The following PPP1R9A variants were observed in gnomAD, a reference collection of about 807,000 sequenced individuals.
PPP1R9A encodes the protein protein phosphatase 1 regulatory subunit 9A.
In PPP1R9A, 59 loss-of-function variants were observed where a neutral mutation model predicts 141.9. That is an observed-to-expected ratio of 0.42 (90% CI 0.34 to 0.52). The LOEUF (loss-of-function observed/expected upper bound fraction) is 0.52, where lower values mean the gene tolerates loss of function less well. Among genes scored for constraint, PPP1R9A ranks in the 20% least tolerant of loss-of-function variants. The pLI is 0.10. For synonymous variants in PPP1R9A, 500 were observed against 569.7 expected, an observed-to-expected ratio of 0.88 and a Z score of 1.74; for missense variants, 1,444 against 1,611.9, an observed-to-expected ratio of 0.90 and a Z score of 1.78.
intron 16 of PPP1R9A, among the ~76,000 whole-genome samples, chr7:95,276,967 C>T (rs1255258730): frequency 1.3e-5 from 2 of 152,276 alleles, no homozygotes; most frequent in African/African-American, 4.8e-5. Context: ...GAGTTGGATT[C>T]TCAGGGTCCT....
rs1434512750 is a variant in PPP1R9A, at chr7:94,920,303, T to G, written c.1395+8795T>G. Among the ~76,000 whole-genome samples the G allele has an allele frequency of 3.9e-5, 6 of 152,158 alleles. No homozygotes were observed. In the East Asian group the frequency reaches 1.2e-3, roughly 29 times the overall value. ...ATATAGTTGCTGACATATTAATTGCTTCACTCACTTTTGCTCTGGAAATAG... is the reference window on the plus strand; with the variant it reads ...ATATAGTTGCTGACATATTAATTGCGTCACTCACTTTTGCTCTGGAAATAG... On this transcript the variant is annotated intron_variant, in intron 2 of 19. Coordinates refer to ENST00000433360, the MANE Select transcript of PPP1R9A (RefSeq NM_001166160.2).
chr7:95,131,239 G>A (rs938507720), intron 4 of PPP1R9A, among the ~76,000 whole-genome samples: 1 of 152,138 alleles, frequency 6.6e-6, no homozygotes, highest in African/African-American at 2.4e-5. Flanking sequence ...TGAGTCTCAC[G>A]AGATAATGAT....
intron 16 of PPP1R9A, among the ~76,000 whole-genome samples, chr7:95,274,396 C>T (rs1000038102): frequency 3.3e-5 from 5 of 152,180 alleles, no homozygotes; most frequent in Non-Finnish European, 7.3e-5. Flanking sequence ...ATTATGGCCA[C>T]ATGAACCATT....
intron 4 of PPP1R9A, among the ~76,000 whole-genome samples, chr7:95,145,109 C>G (rs1316338675): frequency 6.6e-6 from 1 of 152,054 alleles, no homozygotes; most frequent in Non-Finnish European, 1.5e-5. Context: ...GGAAAGATAC[C>G]TCGTGTTCAT....
intron 5 of PPP1R9A, among the ~76,000 whole-genome samples, chr7:95,162,362 T>G (rs1358576770): frequency 6.6e-6 from 1 of 152,164 alleles, no homozygotes; most frequent in Non-Finnish European, 1.5e-5. Flanking sequence ...GACAATCAGG[T>G]TGAATAAAGA....
intron 4 of PPP1R9A, among the ~76,000 whole-genome samples, chr7:95,124,571 C>G (rs563331694): frequency 6.6e-6 from 1 of 151,994 alleles, no homozygotes; most frequent in South Asian, 2.1e-4. Context: ...ATTTTCACCC[C>G]GAGGAAATTA....
intron 4 of PPP1R9A, among the ~76,000 whole-genome samples, chr7:95,133,904 G>A (rs1438340935): frequency 6.6e-6 from 1 of 152,022 alleles, no homozygotes; most frequent in Admixed American, 6.6e-5. Flanking sequence ...TTCCCAGGCT[G>A]GTCTTGAACC....
intron 4 of PPP1R9A, among the ~76,000 whole-genome samples, chr7:95,147,573 C>T (rs1464620331): frequency 6.6e-5 from 10 of 152,002 alleles, no homozygotes; most frequent in Admixed American, 3.9e-4. Context: ...TGTCTTGTGT[C>T]GGTTTTTAAA....
intron 5 of PPP1R9A, among the ~76,000 whole-genome samples, chr7:95,166,868 CAATAA>C (rs1831345325): frequency 6.6e-6 from 1 of 152,122 alleles, no homozygotes; most frequent in Non-Finnish European, 1.5e-5. Context: ...ATATGCAAAT[CAATAA>C]AATATGCTAC....
intron 8 of PPP1R9A, among the ~76,000 whole-genome samples, chr7:95,227,004 A>G (rs1460031766): frequency 6.6e-6 from 1 of 152,186 alleles, no homozygotes; most frequent in Non-Finnish European, 1.5e-5. Context: ...CAACTTGTTC[A>G]TTTCTTCTAA....
intron 2 of PPP1R9A, among the ~76,000 whole-genome samples, chr7:94,938,192 T>A (rs1056661019): frequency 1.3e-5 from 2 of 152,100 alleles, no homozygotes; most frequent in Admixed American, 6.6e-5. Flanking sequence ...GTGGCTGCAT[T>A]TGATTCTTAA....
intron 3 of PPP1R9A, among the ~76,000 whole-genome samples, chr7:95,119,577 C>T (rs779625242): frequency 6.6e-6 from 1 of 152,116 alleles, no homozygotes; most frequent in South Asian, 2.1e-4. Context: ...ACGTCAGCCC[C>T]CAAACAGCTG....
chr7:95,272,054 G>A (rs1202660318), intron 14 of PPP1R9A, among the ~76,000 whole-genome samples: 2 of 152,164 alleles, frequency 1.3e-5, no homozygotes, highest in African/African-American at 4.8e-5. Flanking sequence ...AAAGATGTAA[G>A]GTTGCCTAGC....
At chr7:95,197,996 C>G (rs1836536475) in intron 5 of PPP1R9A, among the ~76,000 whole-genome samples, 1 of 152,130 alleles carries the variant, frequency 6.6e-6, no homozygotes, top group Non-Finnish European at 1.5e-5. Context: ...ACAAATGCTT[C>G]TTTAGTTCAA....
At chr7:95,112,960 T>C (rs1363538593) in intron 3 of PPP1R9A, among the ~76,000 whole-genome samples, 1 of 151,994 alleles carries the variant, frequency 6.6e-6, no homozygotes, top group Non-Finnish European at 1.5e-5. Context: ...GCTTGACAAA[T>C]AACCACTTGC....
intron 12 of PPP1R9A, among the ~76,000 whole-genome samples, chr7:95,263,809 A>G (rs1214270384): frequency 1.3e-5 from 2 of 152,166 alleles, no homozygotes; most frequent in African/African-American, 2.4e-5. Flanking sequence ...ATGAGTGTAC[A>G]TGTTATTCTG....
At chr7:95,210,946 A>G (rs1791980858) in intron 7 of PPP1R9A, among the ~76,000 whole-genome samples, 1 of 152,192 alleles carries the variant, frequency 6.6e-6, no homozygotes, top group Non-Finnish European at 1.5e-5. Context: ...GAGTGGATCA[A>G]TGAGAACACA....
intron 4 of PPP1R9A, chr7:95,156,901 T>C (rs992171427): frequency 2.0e-5 from 3 of 152,606 alleles, no homozygotes; most frequent in Admixed American, 1.3e-4. Flanking sequence ...TCTCTGCAGC[T>C]GGTCATCCAT....
chr7:95,269,599 T>G (rs1801844403), intron 14 of PPP1R9A, 92 bp downstream of exon 14: 1 of 985,498 alleles, frequency 1.0e-6, no homozygotes, highest in African/African-American at 1.7e-5. Context: ...ATTTGTTTTC[T>G]CATAGCTAAT....
Sources: gnomAD v4.1 joint callset for allele counts (sites outside exome capture counted in the v4.1 genomes callset) on GRCh38, gnomAD v4.1.1 for gene constraint, MANE v1.5 for transcripts, NCBI Gene and HGNC (gene_info 2026-07-23, HGNC 2026-07-21) for gene names.